RAB38: variants seen among roughly 807,000 people sequenced by gnomAD.
RAB38 encodes the protein ras-related protein Rab-38.
In RAB38, 15 loss-of-function variants were observed where a neutral mutation model predicts 18.4. That is an observed-to-expected ratio of 0.82 (90% confidence interval 0.55 to 1.26). RAB38 has a LOEUF of 1.26. Among genes scored for constraint, RAB38 ranks in the 50% most tolerant of loss-of-function variants. The probability of loss-of-function intolerance (pLI) is 0.00; values close to 1 mark genes in which losing one functional copy is unlikely to be tolerated. For synonymous variants in RAB38, 101 were observed against 104.4 expected, an observed-to-expected ratio of 0.97 and a Z score of 0.20; for missense variants, 294 against 267.4, an observed-to-expected ratio of 1.10 and a Z score of -0.69.
chr11:87,878,254 CT>C, the RAB38 span, among the ~76,000 whole-genome samples: 6,935 of 45,314 alleles, frequency 0.15, 688 homozygotes, highest in Admixed American at 0.33. Flanking sequence ...CACCTATCAT[CT>C]ATCTATCTAT....
At chr11:87,923,360 T>C in the RAB38 span, among the ~76,000 whole-genome samples, 1 of 152,078 alleles carries the variant, frequency 6.6e-6, no homozygotes, top group African/African-American at 2.4e-5. Context: ...AGAGAATTTA[T>C]TCAAAAAACA....
the RAB38 span, among the ~76,000 whole-genome samples, chr11:87,965,292 TA>T: frequency 8.4e-3 from 1,235 of 146,756 alleles, 16 homozygotes; most frequent in African/African-American, 0.029. Flanking sequence ...TGTGTCTCAA[TA>T]AAAAAAAAAA....
chr11:87,867,840 CAG>C, the RAB38 span, among the ~76,000 whole-genome samples: 2 of 151,608 alleles, frequency 1.3e-5, no homozygotes, highest in African/African-American at 4.8e-5. Context: ...AACTAAGATC[CAG>C]AGAGTTAAAT....
Position 88,138,313 on chromosome 11 carries a change from T to C in RAB38, c.483+11362A>G, listed in dbSNP as rs370576619. 2.0e-3 allele frequency among the ~76,000 whole-genome samples: 309 copies of C among 152,278 alleles called. 3 individuals carry two copies. The highest frequency in any genetic ancestry group is 7.0e-3 in the African/African-American group (289 of 41,552). ...AAGCACAGACAGCAAATTATGTGAG[T>C]GACTAATATTTTCATACCTAATGAT... On this transcript the variant is annotated intron_variant, in intron 2 of 2. Transcript: ENST00000243662.
downstream of RAB38, among the ~76,000 whole-genome samples, chr11:88,110,915 T>G (rs952909388): frequency 1.3e-4 from 20 of 151,688 alleles, no homozygotes; most frequent in African/African-American, 4.6e-4. Context: ...CCAAGGCAGG[T>G]GGATCACTTG....
At chr11:87,878,997 T>A in the RAB38 span, among the ~76,000 whole-genome samples, 1 of 139,876 alleles carries the variant, frequency 7.1e-6, no homozygotes. Context: ...TTTGCCTCAG[T>A]GGAAAATATG....
chr11:87,937,311 CATATATATAT>C, the RAB38 span, among the ~76,000 whole-genome samples: 501 of 82,678 alleles, frequency 6.1e-3, 3 homozygotes, highest in Non-Finnish European at 8.6e-3. Context: ...ACTTGGTCAT[CATATATATAT>C]ATATATATAT....
the RAB38 span, among the ~76,000 whole-genome samples, chr11:88,064,747 T>C: frequency 2.0e-5 from 3 of 152,256 alleles, no homozygotes; most frequent in Non-Finnish European, 2.9e-5. Context: ...ATTTTCTTTG[T>C]ATTGACAGTT....
At chr11:88,104,236 CTCTTTA>C in the RAB38 span, among the ~76,000 whole-genome samples, 2 of 152,232 alleles carry the variant, frequency 1.3e-5, no homozygotes, top group South Asian at 4.1e-4. Flanking sequence ...CTTTAGCGTT[CTCTTTA>C]ACCAATCCTT....
chr11:87,962,553 G>A, the RAB38 span, among the ~76,000 whole-genome samples: 1 of 152,082 alleles, frequency 6.6e-6, no homozygotes, highest in Non-Finnish European at 1.5e-5. Context: ...GAAGATGGAA[G>A]TTTGCTATAA....
At chr11:87,913,204 C>T in the RAB38 span, among the ~76,000 whole-genome samples, 1 of 128,070 alleles carries the variant, frequency 7.8e-6, no homozygotes, top group African/African-American at 4.6e-5. Flanking sequence ...AAGTAGTAGC[C>T]GTTCAAGTTG....
At chr11:87,928,140 A>G in the RAB38 span, among the ~76,000 whole-genome samples, 1 of 151,960 alleles carries the variant, frequency 6.6e-6, no homozygotes, top group South Asian at 2.1e-4. Flanking sequence ...AGAAACTATC[A>G]TGGTTTTCCA....
At chr11:87,931,049 T>C in the RAB38 span, among the ~76,000 whole-genome samples, 21 of 152,072 alleles carry the variant, frequency 1.4e-4, no homozygotes, top group Non-Finnish European at 7.4e-5. Context: ...GCAATGCGGG[T>C]TCTTTTTTGG....
At chr11:87,910,223 T>C in the RAB38 span, among the ~76,000 whole-genome samples, 77 of 151,464 alleles carry the variant, frequency 5.1e-4, 1 homozygote, top group Middle Eastern at 0.01. Flanking sequence ...CTAATTATGT[T>C]GAGCAAGTTT....
At chr11:87,911,367 T>A in the RAB38 span, among the ~76,000 whole-genome samples, 3 of 152,076 alleles carry the variant, frequency 2.0e-5, no homozygotes, top group African/African-American at 7.2e-5. Context: ...TAGAGAGAAA[T>A]AACATCTTAA....
the RAB38 span, among the ~76,000 whole-genome samples, chr11:87,880,868 C>A: frequency 6.6e-6 from 1 of 151,814 alleles, no homozygotes; most frequent in Admixed American, 6.6e-5. Flanking sequence ...AAGGACAAGC[C>A]CTTTACTTCA....
At chr11:87,869,701 A>ATTGT in the RAB38 span, among the ~76,000 whole-genome samples, 1 of 151,614 alleles carries the variant, frequency 6.6e-6, no homozygotes, top group African/African-American at 2.4e-5. Context: ...TAACATTGTA[A>ATTGT]TTGTTTGTTT....
chr11:87,818,703 A>C, the RAB38 span, among the ~76,000 whole-genome samples: 2 of 152,182 alleles, frequency 1.3e-5, no homozygotes, highest in African/African-American at 4.8e-5. Flanking sequence ...TTTTAAAAAA[A>C]TTTATTTTCT....
intron 2 of RAB38, among the ~76,000 whole-genome samples, chr11:88,114,824 AG>A (rs1942526913): frequency 6.6e-6 from 1 of 152,242 alleles, no homozygotes. Context: ...AGTAGAGGCA[AG>A]TATCCCAATC....
Sources: gnomAD v4.1 joint callset for allele counts (sites outside exome capture counted in the v4.1 genomes callset) on GRCh38, gnomAD v4.1.1 for gene constraint, MANE v1.5 for transcripts, NCBI Gene and HGNC (gene_info 2026-07-23, HGNC 2026-07-21) for gene names.